Variants in COL22A1 observed in about 807,000 individuals in gnomAD.
COL22A1 encodes collagen type XXII alpha 1 chain.
A neutral mutation model predicts 248.9 loss-of-function variants in COL22A1; 221 were observed. The ratio of observed to expected loss-of-function variants is 0.89; its 90% CI spans 0.80 to 0.99. COL22A1 has a LOEUF of 0.99. Ranked by LOEUF, COL22A1 falls within the 50% of genes least tolerant of loss-of-function variation. COL22A1 has a pLI of 0.00. For missense variants in COL22A1, 2,240 were observed against 2,179.0 expected (o/e 1.03, Z -0.56); for synonymous variants, 891 against 793.4 (o/e 1.12, Z -2.07).
chr8:138,825,102 C>A (rs1373860750), intron 6 of COL22A1, among the ~76,000 whole-genome samples: 1 of 152,148 alleles, frequency 6.6e-6, no homozygotes, highest in Non-Finnish European at 1.5e-5. Flanking sequence ...CTGCACCAGA[C>A]CCTGAGAAAA....
intron 63 of COL22A1, among the ~76,000 whole-genome samples, chr8:138,592,880 C>G (rs1246391472): frequency 1.5e-4 from 23 of 152,076 alleles, no homozygotes; most frequent in Admixed American, 1.5e-3. Context: ...TTTAAACAAC[C>G]TTTTATAAAT....
At chr8:138,666,317 A>C (rs1331394389) in intron 41 of COL22A1, among the ~76,000 whole-genome samples, 1 of 152,164 alleles carries the variant, frequency 6.6e-6, no homozygotes, top group African/African-American at 2.4e-5. Flanking sequence ...AACAAAGGGG[A>C]CTTCCAGCTA....
At chr8:138,790,857 G>A (rs960922538) in intron 12 of COL22A1, among the ~76,000 whole-genome samples, 7 of 147,484 alleles carry the variant, frequency 4.7e-5, no homozygotes, top group East Asian at 2.0e-4. Flanking sequence ...AACACCCTAC[G>A]TCCCTACCCT....
intron 3 of COL22A1, among the ~76,000 whole-genome samples, chr8:138,867,763 A>T (rs1032013093): frequency 4.6e-5 from 7 of 151,946 alleles, no homozygotes; most frequent in Non-Finnish European, 1.0e-4. Flanking sequence ...GTATTTATTT[A>T]TTGTTTGTTT....
intron 18 of COL22A1, among the ~76,000 whole-genome samples, chr8:138,758,854 T>C (rs1262890562): frequency 1.3e-5 from 2 of 152,152 alleles, no homozygotes; most frequent in African/African-American, 2.4e-5. Flanking sequence ...TTCCCAAATA[T>C]GAAGGGCCAA....
chr8:138,710,144 T>C (rs556364153), intron 30 of COL22A1, among the ~76,000 whole-genome samples: 1 of 152,314 alleles, frequency 6.6e-6, no homozygotes, highest in South Asian at 2.1e-4. Flanking sequence ...ATGCTGATAA[T>C]ACATACAGCT....
intron 22 of COL22A1, among the ~76,000 whole-genome samples, chr8:138,739,901 C>T (rs920513286): frequency 1.3e-5 from 2 of 152,162 alleles, no homozygotes; most frequent in Non-Finnish European, 2.9e-5. Flanking sequence ...ATGTCTGGGT[C>T]ACAATGAGTT....
At chr8:138,722,856 G>GA (rs1554601724) in intron 25 of COL22A1, among the ~76,000 whole-genome samples, 1 of 128,510 alleles carries the variant, frequency 7.8e-6, no homozygotes, top group Non-Finnish European at 1.7e-5. Context: ...GGGGCGGGGG[G>GA]GGGGTGGTGG....
intron 39 of COL22A1, among the ~76,000 whole-genome samples, chr8:138,680,068 T>A (rs1347117254): frequency 2.0e-5 from 3 of 152,190 alleles, no homozygotes; most frequent in Non-Finnish European, 2.9e-5. Flanking sequence ...ACCTTACAAT[T>A]TCATAAACTG....
At chr8:138,700,091 C>A in intron 32 of COL22A1, 21 bp downstream of exon 32, 1 of 1,612,302 alleles carries the variant, frequency 6.2e-7, no homozygotes, top group South Asian at 1.1e-5. Flanking sequence ...CTGGGCACCC[C>A]GAGGCACCGC....
chr8:138,593,466 C>G (rs900629074), intron 63 of COL22A1, among the ~76,000 whole-genome samples: 1 of 152,000 alleles, frequency 6.6e-6, no homozygotes, highest in African/African-American at 2.4e-5. Context: ...TCACATCTGT[C>G]TTCCTGCAGA....
intron 47 of COL22A1, among the ~76,000 whole-genome samples, chr8:138,645,959 T>A (rs1347451982): frequency 6.6e-6 from 1 of 152,156 alleles, no homozygotes; most frequent in Non-Finnish European, 1.5e-5. Context: ...TGTGGGTCTA[T>A]CTGTCCCCAT....
chr8:138,665,404 G>A (rs1266683544), intron 41 of COL22A1, among the ~76,000 whole-genome samples: 1 of 152,230 alleles, frequency 6.6e-6, no homozygotes, highest in Admixed American at 6.5e-5. Flanking sequence ...AAGGGGTAGA[G>A]AAGAAAATGA....
chr8:138,660,609 T>C, intron 43 of COL22A1, 129 bp from the exon 44 acceptor site: 1 of 771,854 alleles, frequency 1.3e-6, no homozygotes, highest in East Asian at 2.7e-5. Context: ...CATCAGACCA[T>C]GAGGATTGGC....
rs201617555 is a variant in COL22A1, at chr8:138,635,680, AACC to A, written c.3556-620_3556-618del. 7.9e-5 allele frequency among the ~76,000 whole-genome samples: 12 copies of A among 152,276 alleles called. No individual in the cohort carries two copies. In the East Asian group the frequency reaches 2.1e-3, roughly 27 times the overall value. The stretch of plus-strand genomic sequence containing the variant: ...TACAACAATGTTATGAAACCAAATA[AACC>A]ACCAAGAAACAAATGATTTCTCTGC... On this transcript the variant is annotated intron_variant, in intron 48 of 64. Transcript: ENST00000303045.
chr8:138,609,293 G>A (rs1446758197), intron 56 of COL22A1, among the ~76,000 whole-genome samples: 1 of 152,166 alleles, frequency 6.6e-6, no homozygotes, highest in Non-Finnish European at 1.5e-5. Context: ...TCTGAACATA[G>A]GCAGCACTGA....
At chr8:138,664,194 T>TGCGCGCGCGCGC (rs150972699) in intron 41 of COL22A1, among the ~76,000 whole-genome samples, 27 of 85,370 alleles carry the variant, frequency 3.2e-4, no homozygotes, top group South Asian at 1.3e-3. Context: ...CAACAAGGGG[T>TGCGCGCGCGCGC]GCGCGCGCGC....
intron 32 of COL22A1, among the ~76,000 whole-genome samples, chr8:138,697,914 T>C (rs996543660): frequency 2.0e-5 from 3 of 152,204 alleles, no homozygotes; most frequent in African/African-American, 7.2e-5. Context: ...TAGACATAAT[T>C]TCCTTGTTTG....
At chr8:138,596,270 C>A (rs557992084) in intron 62 of COL22A1, among the ~76,000 whole-genome samples, 51 of 152,320 alleles carry the variant, frequency 3.3e-4, no homozygotes, top group African/African-American at 1.2e-3. Flanking sequence ...TGCAACATGA[C>A]TGAAAGGATT....
Sources: allele counts gnomAD v4.1 joint callset (sites outside exome capture counted in the v4.1 genomes callset), GRCh38; gene constraint gnomAD v4.1.1; transcripts MANE v1.5; gene names NCBI Gene and HGNC (gene_info 2026-07-23, HGNC 2026-07-21).